The following FN1 variants were observed in gnomAD, a reference collection of about 807,000 sequenced individuals.
FN1 encodes fibronectin.
FN1 carries 106 observed loss-of-function variants against 297.3 expected under a neutral mutation model. The observed-to-expected ratio is 0.36, with a 90% confidence interval of 0.30 to 0.42. The LOEUF is 0.42. Among genes scored for constraint, FN1 ranks in the 10% least tolerant of loss-of-function variants. The probability of loss-of-function intolerance (pLI) is 1.00; values close to 1 mark genes in which losing one functional copy is unlikely to be tolerated. For synonymous variants in FN1, 1,149 were observed against 1,152.6 expected, an observed-to-expected ratio of 1.00 and a Z score of 0.06; for missense variants, 2,690 against 3,124.9, an observed-to-expected ratio of 0.86 and a Z score of 3.32.
chr2:215,428,082 A>G (rs2065817445), intron 6 of FN1, 98 bp downstream of exon 6: 1 of 1,430,608 alleles, frequency 7.0e-7, no homozygotes, highest in Non-Finnish European at 9.8e-7. Context: ...AAACACTGCA[A>G]ATTATCCTCA....
rs1304764711 is a variant in FN1 at position 215,431,964 on chromosome 2, T to G, written c.416A>C (p.Asn139Thr). 6.2e-7 allele frequency: 1 copy of G among 1,613,976 alleles called. No homozygotes were observed. Among genetic ancestry groups the G allele is most frequent in the Non-Finnish European group, 8.5e-7 (1 of 1,180,008 alleles). Residue 139 changes from asparagine to threonine, a missense_variant and splice_region_variant, in exon 4 of 46, where the codon AAC (asparagine) becomes ACC (threonine). Transcript: ENST00000354785. Reference sequence around the variant, plus strand: ...GGACTGACCCCCTTCATGGCAGCGGTCTGTTGAAGATACAACGAAAATGTT... The same window carrying G: ...GGACTGACCCCCTTCATGGCAGCGGGCTGTTGAAGATACAACGAAAATGTT... ...GRGRISCTIA[N>T]RCHEGGQSYK... is the part of the protein sequence containing the mutation.
chr2:215,369,080 G>A (rs139665519), intron 41 of FN1, among the ~76,000 whole-genome samples: 1 of 152,194 alleles, frequency 6.6e-6, no homozygotes, highest in African/African-American at 2.4e-5. Context: ...TGGTTAGAAT[G>A]TAGAATACTG....
At chr2:215,404,728 A>G in intron 19 of FN1, 73 bp from the exon 20 acceptor site, 1 of 1,368,236 alleles carries the variant, frequency 7.3e-7, no homozygotes, top group Non-Finnish European at 1.0e-6. Context: ...CTGAAACTTG[A>G]TTGAATGTCT....
At chr2:215,418,193 C>T (rs1409092249) in intron 12 of FN1, among the ~76,000 whole-genome samples, 3 of 152,156 alleles carry the variant, frequency 2.0e-5, no homozygotes, top group Non-Finnish European at 4.4e-5. Flanking sequence ...CTGACAGTGT[C>T]TGAGGGTTGG....
chr2:215,404,316 T>TTG, intron 20 of FN1, 73 bp downstream of exon 20: 2 of 1,416,826 alleles, frequency 1.4e-6, no homozygotes, highest in Non-Finnish European at 2.0e-6. Flanking sequence ...TTGTTTTGTT[T>TTG]TGTTTTGTTT....
chr2:215,406,001 C>T (rs1292213199), intron 19 of FN1, among the ~76,000 whole-genome samples: 1 of 152,140 alleles, frequency 6.6e-6, no homozygotes, highest in Non-Finnish European at 1.5e-5. Flanking sequence ...CCTCTTAGTA[C>T]CCTTCAGCTG....
At chr2:215,407,620 G>C (rs1027222141) in intron 17 of FN1, among the ~76,000 whole-genome samples, 1 of 152,154 alleles carries the variant, frequency 6.6e-6, no homozygotes, top group Non-Finnish European at 1.5e-5. Flanking sequence ...ATGTTAAGCT[G>C]ATTTTTCCTC....
Position 215,362,016 on chromosome 2 carries a change from G to GGCC in FN1, c.7312_7314dup (p.Gly2438dup), listed in dbSNP as rs752220359. 2 of 1,614,092 alleles carry GGCC rather than the reference G, an allele frequency of 1.2e-6. No individual in the cohort carries two copies. The highest frequency in any genetic ancestry group is 3.3e-5 in the Admixed American group (2 of 60,022). ...CTCTGAGAATACTGGTTGTAGGACT[G>GGCC]GCCAGTAGTGCCTTCGGGACTGGGT... On this transcript the variant is annotated inframe_insertion, in exon 45 of 46. Transcript: ENST00000354785.
At position 215,393,193 on chromosome 2, in the gene FN1, T is replaced by G. The variant is rs373738266; in HGVS notation, c.3807A>C (p.Gln1269His). ...TATCAACAAAGCTTAGGTCAGTGAG[T>G]TGGGGCACCTCTATTGAGTTACAAA... ...ISDTIIPEVP[Q>H]LTDLSFVDIT... Residue 1269 changes from glutamine to histidine, a missense_variant, in exon 25 of 46, where the codon CAA becomes CAC. By Grantham distance (24) the Gln-to-His change is conservative. This residue lies in a region of FN1 where 1,743 missense variants were observed against 1,945.2 expected (regional missense o/e 0.90). Coordinates refer to ENST00000354785, the MANE Select transcript of FN1 (RefSeq NM_212482.4). The G allele has an allele frequency of 5.1e-5, 83 of 1,613,228 alleles. No homozygotes were observed. The highest frequency in any genetic ancestry group is 6.6e-5 in the Non-Finnish European group (78 of 1,179,814).
At chr2:215,434,964 A>G (rs2067208820) in intron 1 of FN1, 140 bp from the exon 2 acceptor site, 2 of 961,944 alleles carry the variant, frequency 2.1e-6, no homozygotes, top group Non-Finnish European at 3.2e-6. Context: ...TGTCATTTCC[A>G]TCTGGCCAGG....
rs138710318 is a variant in FN1, at chr2:215,372,374, G to A, written c.6249C>T (p.Asp2083=). The change falls in exon 40 of 46, where the codon GAC becomes GAT. Residue 2083 remains aspartate, a splice_region_variant and synonymous_variant. Coordinates refer to ENST00000354785, the MANE Select transcript of FN1 (RefSeq NM_212482.4). ...GAAGGGTTACCAGTTGGGGAAGCTC[G>A]TCTAGCCGAGAGAGGTTAGAGCCAA... ...SEPLIGRKKT[D]ELPQLVTLPH... 56 of 1,613,592 alleles carry A rather than the reference G, an allele frequency of 3.5e-5. No individual in the cohort carries two copies. Among genetic ancestry groups the A allele is most frequent in the African/African-American group, 1.7e-4 (13 of 74,920 alleles).
chr2:215,377,081 AGTGTGTGTGTGT>A (rs66762371), intron 35 of FN1, among the ~76,000 whole-genome samples: 6 of 147,340 alleles, frequency 4.1e-5, no homozygotes, highest in Non-Finnish European at 9.0e-5. Context: ...AGAGAGAGAG[AGTGTGTGTGTGT>A]GTGTGTGTGT....
At chr2:215,415,681 T>C (rs1373834867) in intron 12 of FN1, among the ~76,000 whole-genome samples, 2 of 152,166 alleles carry the variant, frequency 1.3e-5, no homozygotes, top group African/African-American at 2.4e-5. Context: ...ATGAAGTGTA[T>C]ACTAAATTCA....
At chr2:215,404,036 A>C (rs531759553) in intron 20 of FN1, among the ~76,000 whole-genome samples, 1 of 152,380 alleles carries the variant, frequency 6.6e-6, no homozygotes, top group Non-Finnish European at 1.5e-5. Context: ...AGACTGCTTT[A>C]AACCCATGTT....
intron 4 of FN1, among the ~76,000 whole-genome samples, chr2:215,431,462 G>A (rs1309943496): frequency 6.6e-6 from 1 of 152,084 alleles, no homozygotes; most frequent in African/African-American, 2.4e-5. Flanking sequence ...TCATGTTTCG[G>A]TCCAGGACAT....
chr2:215,434,950 A>G, intron 1 of FN1, 126 bp from the exon 2 acceptor site: 8 of 1,068,532 alleles, frequency 7.5e-6, no homozygotes, highest in Non-Finnish European at 1.1e-5. Context: ...GTTATATACA[A>G]TGATGTCATT....
intron 22 of FN1, among the ~76,000 whole-genome samples, 174 bp downstream of exon 22, chr2:215,397,506 A>G (rs1439249208): frequency 6.6e-6 from 1 of 152,216 alleles, no homozygotes; most frequent in Non-Finnish European, 1.5e-5. Context: ...ATAAAATATA[A>G]AGCATGAATT....
At chr2:215,428,129 AT>A (rs1485835652) in intron 6 of FN1, 50 bp downstream of exon 6, 3 of 1,606,602 alleles carry the variant, frequency 1.9e-6, no homozygotes, top group Non-Finnish European at 2.6e-6. Context: ...TTGCGGAAAT[AT>A]TTCTTGACCT....
At chr2:215,387,094 T>C in intron 27 of FN1, 136 bp from the exon 28 acceptor site, 1 of 742,482 alleles carries the variant, frequency 1.3e-6, no homozygotes, top group Non-Finnish European at 2.2e-6. Context: ...TGATTTGCCA[T>C]AAACCAAAGA....
Sources: allele counts gnomAD v4.1 joint callset (sites outside exome capture counted in the v4.1 genomes callset), GRCh38; gene constraint gnomAD v4.1.1; regional missense constraint gnomAD v4.1.1; transcripts MANE v1.5; gene names NCBI Gene and HGNC (gene_info 2026-07-23, HGNC 2026-07-21).